The following UNC79 variants were observed in gnomAD, a reference collection of about 807,000 sequenced individuals.
The protein encoded by UNC79 is protein unc-79 homolog.
In UNC79, 37 loss-of-function variants were observed where a neutral mutation model predicts 283.1. That is an observed-to-expected ratio of 0.13 (90% CI 0.10 to 0.17). UNC79 has a LOEUF of 0.17. Ranked by LOEUF, UNC79 falls within the 10% of genes least tolerant of loss-of-function variation. The probability of loss-of-function intolerance (pLI) is 1.00; values close to 1 mark genes in which losing one functional copy is unlikely to be tolerated. For missense variants in UNC79, 2,272 were observed against 3,211.1 expected (o/e 0.71, Z 7.07); for synonymous variants, 1,107 against 1,200.2 (o/e 0.92, Z 1.61).
chr14:93,334,826 A>G (rs1455497625), intron 1 of UNC79: 4 of 152,322 alleles, frequency 2.6e-5, no homozygotes, highest in Middle Eastern at 6.8e-3. Context: ...CCTGGAACCA[A>G]TCCCACGTAT....
intron 16 of UNC79, among the ~76,000 whole-genome samples, chr14:93,573,817 CA>C (rs2063332300): frequency 6.6e-6 from 1 of 152,148 alleles, no homozygotes; most frequent in South Asian, 2.1e-4. Context: ...CCAGCCTGGC[CA>C]ACATGGCCAA....
At chr14:93,464,104 G>A (rs541340050) in intron 1 of UNC79, among the ~76,000 whole-genome samples, 1 of 152,126 alleles carries the variant, frequency 6.6e-6, no homozygotes, top group Non-Finnish European at 1.5e-5. Context: ...AGCCGAGATC[G>A]TGCCACTGCA....
In UNC79 at chr14:93,692,004, C is replaced by T. The variant is rs2074731608; in HGVS notation, c.7470+58C>T. 42 of 1,574,228 alleles carry T rather than the reference C, an allele frequency of 2.7e-5. No individual in the cohort carries two copies. The South Asian group carries it at 4.4e-4, about 17-fold the overall frequency. The stretch of plus-strand genomic sequence containing the variant: ...GGAATCTCAAAGTGTCCACACCACT[C>T]CTAATCCTCACACTCCCTGTTTTCA... On this transcript the variant is annotated intron_variant, in intron 46 of 48. Coordinates refer to ENST00000555664, the Ensembl canonical transcript of UNC79.
In UNC79 at chr14:93,418,592, G is replaced by A. The variant is rs796948051; in HGVS notation, c.-350-49079G>A. Among the ~76,000 whole-genome samples the A allele has an allele frequency of 2.6e-5, 4 of 151,820 alleles. 1 individual carries two copies. Among genetic ancestry groups the A allele is most frequent in the Non-Finnish European group, 5.9e-5 (4 of 67,898 alleles). On this transcript the variant is annotated intron_variant, in intron 1 of 49. Coordinates refer to the UNC79 transcript ENST00000256339. ...ATTTAAGTCTGCAGAGGTTACTGCT[G>A]TCTTTTTGTTTGTCTGTGCCCTGCC...
intron 7 of UNC79, among the ~76,000 whole-genome samples, chr14:93,522,010 T>A (rs897051961): frequency 6.6e-6 from 1 of 151,938 alleles, no homozygotes; most frequent in East Asian, 1.9e-4. Context: ...TAAGTTTAAA[T>A]CCAATGTGGC....
intron 26 of UNC79, 97 bp from the exon 27 acceptor site, chr14:93,604,799 C>T: frequency 8.3e-7 from 1 of 1,209,114 alleles, no homozygotes; most frequent in Non-Finnish European, 1.1e-6. Flanking sequence ...AAAATGAAAC[C>T]TGCCCCTACT....
intron 35 of UNC79, among the ~76,000 whole-genome samples, chr14:93,648,489 A>G (rs1010800186): frequency 6.6e-6 from 1 of 152,166 alleles, no homozygotes; most frequent in Admixed American, 6.5e-5. Context: ...TAGAGCCAAC[A>G]GAATTTGCTG....
At chr14:93,674,423 A>G (rs2073156355) in intron 41 of UNC79, among the ~76,000 whole-genome samples, 1 of 152,186 alleles carries the variant, frequency 6.6e-6, no homozygotes, top group African/African-American at 2.4e-5. Flanking sequence ...TGCCAGAGGA[A>G]TCAGCAGGGG....
chr14:93,494,007 A>C (rs1474961540), intron 5 of UNC79, among the ~76,000 whole-genome samples: 3 of 147,706 alleles, frequency 2.0e-5, no homozygotes, highest in African/African-American at 7.5e-5. Context: ...AGGTTCAAGC[A>C]ATTCTCCTGC....
chr14:93,377,403 T>A (rs574144736), intron 1 of UNC79, among the ~76,000 whole-genome samples: 1 of 152,234 alleles, frequency 6.6e-6, no homozygotes, highest in South Asian at 2.1e-4. Flanking sequence ...CGAGAATAGT[T>A]GTTTCTTAAA....
chr14:93,642,968 T>C (rs563526876), intron 33 of UNC79, among the ~76,000 whole-genome samples: 1 of 152,226 alleles, frequency 6.6e-6, no homozygotes, highest in South Asian at 2.1e-4. Flanking sequence ...GCGGGTGCCA[T>C]TGTTTGTGCT....
intron 1 of UNC79, among the ~76,000 whole-genome samples, chr14:93,354,666 T>TA (rs2054048858): frequency 6.6e-6 from 1 of 152,062 alleles, no homozygotes; most frequent in African/African-American, 2.4e-5. Flanking sequence ...CCCAACAAAT[T>TA]AAAAAACTTT....
At chr14:93,426,235 A>G (rs1014489870), upstream of UNC79, among the ~76,000 whole-genome samples, 3 of 152,014 alleles carry the variant, frequency 2.0e-5, no homozygotes, top group Non-Finnish European at 4.4e-5. Context: ...GTCATTGTAT[A>G]TCATTCTCTG....
At chr14:93,510,052 C>T (rs2059745875) in intron 7 of UNC79, among the ~76,000 whole-genome samples, 1 of 152,244 alleles carries the variant, frequency 6.6e-6, no homozygotes, top group Non-Finnish European at 1.5e-5. Context: ...CTTAACACCA[C>T]ATGGAAGCCA....
chr14:93,533,163 T>C (rs879111675), intron 11 of UNC79, among the ~76,000 whole-genome samples: 3 of 152,160 alleles, frequency 2.0e-5, no homozygotes, highest in African/African-American at 7.2e-5. Flanking sequence ...TATGATGTCA[T>C]AAAAAAGAAT....
At position 93,617,350 on chromosome 14, in the gene UNC79, G is replaced by A; in HGVS notation, c.4224+46G>A. ...TGTTTTGGATGCAATGGTTCTCTTAGAGAGCATATAGCATTAGGAGAACAC... is the reference window on the plus strand; with the variant it reads ...TGTTTTGGATGCAATGGTTCTCTTAAAGAGCATATAGCATTAGGAGAACAC... On this transcript the variant is annotated intron_variant, in intron 28 of 48. Coordinates refer to ENST00000555664, the Ensembl canonical transcript of UNC79. The surrounding 1 kb of genome is among the most constrained non-coding windows in gnomAD (Gnocchi z 4.5). 6.2e-7 allele frequency: 1 copy of A among 1,600,176 alleles called. No individual in the cohort carries two copies. The highest frequency in any genetic ancestry group is 8.5e-7 in the Non-Finnish European group (1 of 1,171,288).
intron 47 of UNC79, among the ~76,000 whole-genome samples, chr14:93,703,163 C>T (rs2075654266): frequency 1.3e-5 from 2 of 152,196 alleles, no homozygotes; most frequent in South Asian, 4.1e-4. Flanking sequence ...CCCCGACTCT[C>T]TGCACACTCC....
At chr14:93,393,688 G>A (rs1348739300) in intron 1 of UNC79, among the ~76,000 whole-genome samples, 2 of 151,884 alleles carry the variant, frequency 1.3e-5, no homozygotes, top group Non-Finnish European at 2.9e-5. Context: ...TCTTTTTATA[G>A]GAACAATAAA....
chr14:93,405,175 C>T (rs1347491055), intron 1 of UNC79, among the ~76,000 whole-genome samples: 2 of 151,212 alleles, frequency 1.3e-5, no homozygotes, highest in Non-Finnish European at 1.5e-5. Flanking sequence ...CCCAGCTACT[C>T]GGGAGGCTGA....
Sources: allele counts gnomAD v4.1 joint callset (sites outside exome capture counted in the v4.1 genomes callset), GRCh38; gene constraint gnomAD v4.1.1; non-coding constraint Gnocchi (gnomAD v3.1); transcripts MANE v1.5; gene names NCBI Gene and HGNC (gene_info 2026-07-23, HGNC 2026-07-21).